FAM13A: variants seen among roughly 807,000 people sequenced by gnomAD.
FAM13A encodes family with sequence similarity 13 member A, also known as protein FAM13A.
A neutral mutation model predicts 129.6 loss-of-function variants in FAM13A; 76 were observed. The ratio of observed to expected loss-of-function variants is 0.59; its 90% CI spans 0.49 to 0.71. The LOEUF is 0.71. Ranked by LOEUF, FAM13A falls within the 30% of genes least tolerant of loss-of-function variation. The pLI is 0.00. For missense variants in FAM13A, 1,108 were observed against 1,249.3 expected, an observed-to-expected ratio of 0.89 and a Z score of 1.70; for synonymous variants, 443 against 449.9, an observed-to-expected ratio of 0.98 and a Z score of 0.20.
Position 88,749,925 on chromosome 4 carries a change from C to T in FAM13A, c.1941-16G>A, listed in dbSNP as rs781233645. On this transcript the variant is annotated splice_polypyrimidine_tract_variant and intron_variant, in intron 15 of 23. Coordinates refer to ENST00000264344, the MANE Select transcript of FAM13A (RefSeq NM_014883.4). ...GCTTCGCCGCCTGTGAAGAGTACGACTTGGGTCAGTTTCCCCAGGAGCAGT... is the reference window on the plus strand; with the variant it reads ...GCTTCGCCGCCTGTGAAGAGTACGATTTGGGTCAGTTTCCCCAGGAGCAGT... The T allele has an allele frequency of 1.2e-6, 2 of 1,611,712 alleles. No homozygotes were observed. Among genetic ancestry groups the T allele is most frequent in the East Asian group, 2.2e-5 (1 of 44,870 alleles).
chr4:88,758,231 T>C (rs1006364768), intron 14 of FAM13A, among the ~76,000 whole-genome samples: 2 of 152,152 alleles, frequency 1.3e-5, no homozygotes, highest in Admixed American at 6.5e-5. Flanking sequence ...GTAAGATGCA[T>C]GTATTCAGTG....
intron 8 of FAM13A, among the ~76,000 whole-genome samples, chr4:88,800,583 G>T (rs1407081404): frequency 2.0e-5 from 3 of 151,532 alleles, no homozygotes; most frequent in African/African-American, 7.3e-5. Flanking sequence ...TACTCTGGAG[G>T]CTGAGGCAGG....
intron 11 of FAM13A, among the ~76,000 whole-genome samples, chr4:88,779,914 G>C (rs1722531380): frequency 6.6e-6 from 1 of 152,152 alleles, no homozygotes; most frequent in African/African-American, 2.4e-5. Flanking sequence ...CCAAGTCTCA[G>C]ACTTTCAGTC....
chr4:88,793,122 G>A (rs994568721), intron 8 of FAM13A, among the ~76,000 whole-genome samples: 2 of 151,950 alleles, frequency 1.3e-5, no homozygotes, highest in African/African-American at 4.8e-5. Context: ...ACACTGAGTG[G>A]CAGAGGCTCT....
chr4:88,773,360 T>G (rs1006047754), intron 11 of FAM13A, among the ~76,000 whole-genome samples: 7 of 152,180 alleles, frequency 4.6e-5, no homozygotes, highest in African/African-American at 1.7e-4. Context: ...CTCTTAGGTT[T>G]TCTTGAACCC....
intron 7 of FAM13A, among the ~76,000 whole-genome samples, chr4:88,835,473 G>T (rs1223274571): frequency 1.3e-5 from 2 of 152,164 alleles, no homozygotes; most frequent in Non-Finnish European, 2.9e-5. Context: ...AGACTAGGGG[G>T]TGGGTAGTTT....
At chr4:89,047,974 A>C (rs1771082362) in intron 1 of FAM13A, among the ~76,000 whole-genome samples, 1 of 152,200 alleles carries the variant, frequency 6.6e-6, no homozygotes, top group East Asian at 1.9e-4. Flanking sequence ...TAAGAAAAAA[A>C]CTAACAATAC....
At chr4:88,939,546 A>G (rs1180714999) in intron 4 of FAM13A, among the ~76,000 whole-genome samples, 1 of 152,170 alleles carries the variant, frequency 6.6e-6, no homozygotes, top group Non-Finnish European at 1.5e-5. Flanking sequence ...AGGGATTATG[A>G]TATCTTTAGG....
At chr4:88,836,046 A>G (rs971509814) in intron 7 of FAM13A, among the ~76,000 whole-genome samples, 1 of 152,236 alleles carries the variant, frequency 6.6e-6, no homozygotes, top group Non-Finnish European at 1.5e-5. Context: ...TGTTCATTCT[A>G]GAAAAAATTT....
chr4:88,797,273 G>GTTTT (rs34600800), intron 8 of FAM13A, among the ~76,000 whole-genome samples: 11 of 143,124 alleles, frequency 7.7e-5, no homozygotes, highest in Non-Finnish European at 1.1e-4. Context: ...AGTTTTGTGG[G>GTTTT]TTTTTTTTTT....
chr4:88,779,846 T>C (rs1722517274), intron 11 of FAM13A, among the ~76,000 whole-genome samples: 1 of 152,176 alleles, frequency 6.6e-6, no homozygotes, highest in African/African-American at 2.4e-5. Context: ...GTTAAATGAA[T>C]GTAAAAAGGG....
At position 88,732,180 on chromosome 4, in the gene FAM13A, C is replaced by G. The variant is rs750521950; in HGVS notation, c.2665G>C (p.Glu889Gln). 1 of 1,608,646 alleles carries G rather than the reference C, an allele frequency of 6.2e-7. No individual in the cohort carries two copies. Among genetic ancestry groups the G allele is most frequent in the Non-Finnish European group, 8.5e-7 (1 of 1,177,220 alleles). ...TCTGGCTTCACATTGCTATCGTCTTCTGACCCCTCCTCTTCTTCCTGGAGA... is the reference window on the plus strand; with the variant it reads ...TCTGGCTTCACATTGCTATCGTCTTGTGACCCCTCCTCTTCTTCCTGGAGA... Reference protein sequence around the residue: ...KEIKEEEEGSEDDSNVKPDFM... With the variant: ...KEIKEEEEGSQDDSNVKPDFM... The change falls in exon 22 of 24, where the codon GAA becomes CAA. Residue 889 changes from glutamate to glutamine, a missense_variant. Glu to Gln is a conservative substitution (Grantham distance 29). Transcript: ENST00000264344.
At chr4:88,920,904 G>A (rs1750957935) in intron 5 of FAM13A, among the ~76,000 whole-genome samples, 1 of 152,208 alleles carries the variant, frequency 6.6e-6, no homozygotes, top group Non-Finnish European at 1.5e-5. Context: ...CGTGAAGAAT[G>A]TAGAAGCCTC....
At chr4:88,921,588 T>C (rs895337981) in intron 5 of FAM13A, among the ~76,000 whole-genome samples, 2 of 152,196 alleles carry the variant, frequency 1.3e-5, no homozygotes, top group Admixed American at 6.5e-5. Context: ...TACCAGCCGC[T>C]GCAAAATCAT....
chr4:88,742,871 G>A lies in FAM13A; in HGVS notation c.2467-3746C>T, dbSNP rs375228914. ...TCAGTTTCCTGAATGGTAAATTGCA[G>A]AATTCAAATTAGAAAATCTTTATGC... On this transcript the variant is annotated intron_variant, in intron 19 of 23. Transcript: ENST00000264344. Among the ~76,000 whole-genome samples, 30 of 152,274 alleles carry A rather than the reference G, an allele frequency of 2.0e-4. No homozygotes were observed. The East Asian group carries it at 5.4e-3, about 27-fold the overall frequency.
At chr4:88,874,353 T>C (rs753015583) in intron 6 of FAM13A, among the ~76,000 whole-genome samples, 2 of 152,154 alleles carry the variant, frequency 1.3e-5, no homozygotes, top group Non-Finnish European at 2.9e-5. Flanking sequence ...TCAAAGTGTC[T>C]CTGTTTGCAG....
chr4:88,857,115 C>T (rs1178820108), intron 6 of FAM13A, among the ~76,000 whole-genome samples: 1 of 151,814 alleles, frequency 6.6e-6, no homozygotes, highest in East Asian at 1.9e-4. Context: ...TATTAACATG[C>T]TTTAGGGAAT....
chr4:88,849,447 G>C (rs1737189372), intron 7 of FAM13A, among the ~76,000 whole-genome samples: 1 of 152,076 alleles, frequency 6.6e-6, no homozygotes, highest in Non-Finnish European at 1.5e-5. Flanking sequence ...TCCTATTTCG[G>C]TTCTTTTGCA....
chr4:88,821,673 T>G (rs963894792), intron 7 of FAM13A, among the ~76,000 whole-genome samples: 6 of 152,148 alleles, frequency 3.9e-5, no homozygotes, highest in African/African-American at 1.4e-4. Flanking sequence ...AACTTTAAAG[T>G]TGGAAACCAA....
Sources: gnomAD v4.1 joint callset for allele counts (sites outside exome capture counted in the v4.1 genomes callset) on GRCh38, gnomAD v4.1.1 for gene constraint, MANE v1.5 for transcripts, NCBI Gene and HGNC (gene_info 2026-07-23, HGNC 2026-07-21) for gene names.